The following MGAT4C variants were observed in gnomAD, a reference collection of about 807,000 sequenced individuals.
The protein encoded by MGAT4C is alpha-1,3-mannosyl-glycoprotein 4-beta-N-acetylglucosaminyltransferase C.
MGAT4C carries 19 observed loss-of-function variants against 40.1 expected under a neutral mutation model. The observed-to-expected ratio is 0.47, with a 90% confidence interval of 0.33 to 0.70. The LOEUF is 0.70. Among genes scored for constraint, MGAT4C ranks in the 30% least tolerant of loss-of-function variants. MGAT4C has a pLI of 0.02. For synonymous variants in MGAT4C, 181 were observed against 187.1 expected, an observed-to-expected ratio of 0.97 and a Z score of 0.27; for missense variants, 491 against 563.2, an observed-to-expected ratio of 0.87 and a Z score of 1.30.
chr12:86,289,777 G>A (rs942961012), intron 4 of MGAT4C, among the ~76,000 whole-genome samples: 12 of 152,116 alleles, frequency 7.9e-5, no homozygotes, highest in Admixed American at 6.5e-5. Context: ...CTTTGCTAAC[G>A]TGTTATTTTG....
intron 2 of MGAT4C, among the ~76,000 whole-genome samples, chr12:86,632,930 G>A (rs1963106524): frequency 6.6e-6 from 1 of 151,760 alleles, no homozygotes; most frequent in Admixed American, 6.6e-5. Flanking sequence ...ATTTGTGTGG[G>A]AGAAATAACT....
intron 2 of MGAT4C, among the ~76,000 whole-genome samples, chr12:86,510,379 C>CA (rs528868302): frequency 1.3e-3 from 200 of 152,122 alleles, no homozygotes; most frequent in African/African-American, 4.6e-3. Context: ...CTAGCCACTG[C>CA]AAAAAAATGC....
intron 2 of MGAT4C, among the ~76,000 whole-genome samples, chr12:86,618,718 G>T (rs1434213350): frequency 2.0e-5 from 3 of 151,688 alleles, no homozygotes; most frequent in Admixed American, 1.3e-4. Flanking sequence ...AGATTAATGG[G>T]CACAAACATA....
In MGAT4C at chr12:86,323,655, T is replaced by G. The variant is rs573916412; in HGVS notation, c.-57+10410A>C. ...CAATATAACTACCGTAGTAAATACATACATATATATAAATAGACGAAATAC... is the reference window on the plus strand; with the variant it reads ...CAATATAACTACCGTAGTAAATACAGACATATATATAAATAGACGAAATAC... On this transcript the variant is annotated intron_variant, in intron 4 of 7. Transcript: ENST00000548651. Among the ~76,000 whole-genome samples the G allele has an allele frequency of 2.6e-4, 40 of 152,000 alleles. No homozygotes were observed. In the South Asian group the frequency reaches 8.3e-3, roughly 31 times the overall value.
At position 86,633,965 on chromosome 12, in the gene MGAT4C, C is replaced by G. The variant is rs1593065492; in HGVS notation, c.-229+93244G>C. ...ACAGGTGAAACATAAATACACCTTC[C>G]CATGGGTGTTTCTAACTCTGATGTG... On this transcript the variant is annotated intron_variant, in intron 2 of 7. Transcript: ENST00000548651. Among the ~76,000 whole-genome samples the G allele has an allele frequency of 2.0e-5, 3 of 151,814 alleles. No individual in the cohort carries two copies. In the East Asian group the frequency reaches 5.8e-4, roughly 29 times the overall value.
At chr12:86,131,774 T>C (rs1881224574) in intron 1 of MGAT4C, among the ~76,000 whole-genome samples, 1 of 152,014 alleles carries the variant, frequency 6.6e-6, no homozygotes, top group Non-Finnish European at 1.5e-5. Flanking sequence ...ATACAACCGT[T>C]AAGAAAATCT....
At chr12:86,672,819 A>G (rs978762514) in intron 2 of MGAT4C, among the ~76,000 whole-genome samples, 1 of 152,156 alleles carries the variant, frequency 6.6e-6, no homozygotes, top group African/African-American at 2.4e-5. Flanking sequence ...CTACCTGGGT[A>G]ATGGAGTCAT....
intron 2 of MGAT4C, among the ~76,000 whole-genome samples, chr12:86,655,594 T>C (rs1963828206): frequency 6.6e-6 from 1 of 152,120 alleles, no homozygotes. Context: ...GCCAAATGTA[T>C]TTTTTGTCTA....
At chr12:86,408,153 AGTGTCTTCATAAAAT>A (rs1257376887) in intron 3 of MGAT4C, among the ~76,000 whole-genome samples, 1 of 151,942 alleles carries the variant, frequency 6.6e-6, no homozygotes. Context: ...TTTAAAAAAT[AGTGTCTTCATAAAAT>A]GTGTTTGAAT....
chr12:86,028,075 T>C (rs1203646046), intron 2 of MGAT4C: 1 of 1,226,022 alleles, frequency 8.2e-7, no homozygotes, highest in Admixed American at 2.3e-5. Context: ...CTGTTAAATC[T>C]TCCATCAACT....
intron 2 of MGAT4C, among the ~76,000 whole-genome samples, chr12:86,676,202 C>G (rs1964395466): frequency 6.6e-6 from 1 of 151,900 alleles, no homozygotes; most frequent in South Asian, 2.1e-4. Flanking sequence ...GAAAGAATAC[C>G]AATCAGGAGA....
chr12:85,983,432 C>A, intron 4 of MGAT4C, 91 bp downstream of exon 4: 1 of 1,199,210 alleles, frequency 8.3e-7, no homozygotes, highest in Non-Finnish European at 1.1e-6. Context: ...TAGTAAAGCC[C>A]TTAAGCCTTT....
At chr12:86,653,548 TA>T (rs1963758908) in intron 2 of MGAT4C, among the ~76,000 whole-genome samples, 1 of 151,972 alleles carries the variant, frequency 6.6e-6, no homozygotes, top group Admixed American at 6.6e-5. Flanking sequence ...TCAGACCTGC[TA>T]AAATTTGGAT....
intron 1 of MGAT4C, among the ~76,000 whole-genome samples, chr12:86,135,595 C>G (rs1441949475): frequency 6.6e-6 from 1 of 152,116 alleles, no homozygotes; most frequent in Admixed American, 6.5e-5. Flanking sequence ...TGAACTATAC[C>G]TGCCTTCTGG....
chr12:86,484,154 G>T (rs1353765622), intron 2 of MGAT4C, among the ~76,000 whole-genome samples: 4 of 152,014 alleles, frequency 2.6e-5, no homozygotes, highest in Non-Finnish European at 2.9e-5. Context: ...ACTGACAGGA[G>T]AATCAGCCCA....
At chr12:86,462,483 T>A (rs1957616270) in intron 2 of MGAT4C, among the ~76,000 whole-genome samples, 1 of 152,160 alleles carries the variant, frequency 6.6e-6, no homozygotes. Context: ...TTAGTCATGG[T>A]TCTCTAGAAG....
intron 2 of MGAT4C, among the ~76,000 whole-genome samples, chr12:86,440,364 T>G (rs947491099): frequency 6.6e-6 from 1 of 151,506 alleles, no homozygotes; most frequent in Non-Finnish European, 1.5e-5. Flanking sequence ...AAAAACAGAA[T>G]TAAAAACAAA....
intron 1 of MGAT4C, among the ~76,000 whole-genome samples, chr12:86,131,648 T>G (rs141414404): frequency 4.6e-5 from 7 of 152,084 alleles, no homozygotes; most frequent in Admixed American, 4.6e-4. Flanking sequence ...AGTCAGACTT[T>G]GATGTTTATC....
At chr12:86,792,491 G>C (rs1271390991) in intron 1 of MGAT4C, among the ~76,000 whole-genome samples, 1 of 151,908 alleles carries the variant, frequency 6.6e-6, no homozygotes, top group African/African-American at 2.4e-5. Flanking sequence ...TATACTCCTA[G>C]TATATCCACA....
Sources: gnomAD v4.1 joint callset for allele counts (sites outside exome capture counted in the v4.1 genomes callset) on GRCh38, gnomAD v4.1.1 for gene constraint, MANE v1.5 for transcripts, NCBI Gene and HGNC (gene_info 2026-07-23, HGNC 2026-07-21) for gene names.